The following ADGRL3 variants were observed in gnomAD, a reference collection of about 807,000 sequenced individuals.
ADGRL3 encodes the protein calcium-independent alpha-latrotoxin receptor 3.
In ADGRL3, 62 loss-of-function variants were observed where a neutral mutation model predicts 153.5. The ratio of observed to expected loss-of-function variants is 0.40; its 90% CI spans 0.33 to 0.50. The LOEUF (loss-of-function observed/expected upper bound fraction) is 0.50. ADGRL3 is among the 20% of genes least tolerant of loss of function. The pLI is 0.47. For synonymous variants in ADGRL3, 710 were observed against 672.5 expected, an observed-to-expected ratio of 1.06 and a Z score of -0.86; for missense variants, 1,641 against 1,859.4, an observed-to-expected ratio of 0.88 and a Z score of 2.16.
chr4:61,907,205 G>A (rs1261879932), intron 11 of ADGRL3, among the ~76,000 whole-genome samples: 1 of 151,998 alleles, frequency 6.6e-6, no homozygotes, highest in African/African-American at 2.4e-5. Flanking sequence ...AAAAGTAAGA[G>A]GAGGAATGCA....
chr4:61,615,396 G>A (rs551944391), intron 5 of ADGRL3, among the ~76,000 whole-genome samples: 22 of 152,040 alleles, frequency 1.4e-4, no homozygotes, highest in African/African-American at 4.6e-4. Context: ...AATAAACACC[G>A]GTAAAAGGGT....
chr4:61,413,788 G>A (rs2097114479), intron 2 of ADGRL3, among the ~76,000 whole-genome samples: 1 of 152,020 alleles, frequency 6.6e-6, no homozygotes, highest in Non-Finnish European at 1.5e-5. Flanking sequence ...ACAAACGAAT[G>A]AAACCAGGGA....
At chr4:61,533,526 C>A (rs17226207) in intron 4 of ADGRL3, among the ~76,000 whole-genome samples, 20,049 of 152,092 alleles carry the variant, frequency 0.13, 1,584 homozygotes, top group South Asian at 0.29. Context: ...CCATTACTTA[C>A]CTCAGTAACT....
chr4:61,230,774 G>A (rs1395636483), intron 1 of ADGRL3, among the ~76,000 whole-genome samples: 1 of 152,172 alleles, frequency 6.6e-6, no homozygotes. Flanking sequence ...TTAACCATTT[G>A]ACAATATATG....
intron 21 of ADGRL3, among the ~76,000 whole-genome samples, chr4:62,016,859 C>A (rs927636067): frequency 2.0e-5 from 3 of 151,920 alleles, no homozygotes; most frequent in Admixed American, 6.6e-5. Context: ...TCCATTATAT[C>A]CTTTTATAGG....
intron 4 of ADGRL3, among the ~76,000 whole-genome samples, chr4:61,576,271 T>A (rs1430088095): frequency 6.6e-6 from 1 of 151,968 alleles, no homozygotes; most frequent in Admixed American, 6.6e-5. Flanking sequence ...ACTCAAAAGG[T>A]CTTCACTAGT....
chr4:61,554,136 A>C (rs1050196256), intron 4 of ADGRL3, among the ~76,000 whole-genome samples: 1 of 145,830 alleles, frequency 6.9e-6, no homozygotes, highest in Non-Finnish European at 1.5e-5. Context: ...ATTGGATCCT[A>C]TTTGCTTATA....
chr4:61,464,058 CAATTA>C (rs1395245861), intron 2 of ADGRL3, among the ~76,000 whole-genome samples: 1 of 152,024 alleles, frequency 6.6e-6, no homozygotes, highest in Non-Finnish European at 1.5e-5. Flanking sequence ...CAGCCAAAGG[CAATTA>C]ATAAAAAATG....
At chr4:61,684,830 T>A (rs1333398965) in intron 6 of ADGRL3, among the ~76,000 whole-genome samples, 4 of 152,146 alleles carry the variant, frequency 2.6e-5, no homozygotes, top group Non-Finnish European at 5.9e-5. Flanking sequence ...TTTTAAATAT[T>A]TCCTGGCTTC....
chr4:61,757,406 A>G (rs181379040), intron 8 of ADGRL3, among the ~76,000 whole-genome samples: 13,176 of 152,096 alleles, frequency 0.087, 1,199 homozygotes, highest in African/African-American at 0.23. Context: ...GTTTATTTGC[A>G]TAGAGGTGTT....
At chr4:61,222,462 A>G (rs1399933416) in intron 1 of ADGRL3, among the ~76,000 whole-genome samples, 2 of 152,128 alleles carry the variant, frequency 1.3e-5, no homozygotes, top group Admixed American at 6.5e-5. Context: ...CTTTGGTTCT[A>G]TAGCATTGGG....
intron 6 of ADGRL3, among the ~76,000 whole-genome samples, chr4:61,704,308 A>C (rs2095819549): frequency 6.6e-6 from 1 of 152,212 alleles, no homozygotes; most frequent in African/African-American, 2.4e-5. Flanking sequence ...TCACTGCAAT[A>C]AAACAAATCT....
intron 8 of ADGRL3, among the ~76,000 whole-genome samples, chr4:61,752,194 T>G (rs528673661): frequency 1.6e-4 from 25 of 152,236 alleles, no homozygotes; most frequent in African/African-American, 6.0e-4. Context: ...AAAAACAGAT[T>G]AACAAGAATA....
chr4:61,499,765 G>A (rs535141000), intron 3 of ADGRL3, among the ~76,000 whole-genome samples: 12 of 152,048 alleles, frequency 7.9e-5, no homozygotes, highest in African/African-American at 2.7e-4. Flanking sequence ...CACACAATTC[G>A]TATTCAAAAG....
intron 16 of ADGRL3, among the ~76,000 whole-genome samples, chr4:61,947,328 A>T (rs1240602279): frequency 6.6e-6 from 1 of 152,196 alleles, no homozygotes; most frequent in Non-Finnish European, 1.5e-5. Context: ...TTATGGTGAA[A>T]GCATTCATAG....
In ADGRL3 at chr4:61,909,665, C is replaced by A. The variant is rs947351125; in HGVS notation, c.1993C>A (p.Gln665Lys). 6.2e-7 allele frequency: 1 copy of A among 1,609,104 alleles called. No homozygotes were observed. The highest frequency in any genetic ancestry group is 1.3e-5 in the African/African-American group (1 of 74,736). ...DITYSVRAMD[Q>K]LVGLLDVQLR... ...CACCTACTCTGTCCGGGCCATGGAC[C>A]AGCTGGTAGGCCTCCTAGATGTACA... The change falls in exon 12 of 27, where the codon CAG (glutamine) becomes AAG (lysine). Residue 665 changes from glutamine (Q) to lysine (K), a missense_variant. Coordinates refer to ENST00000683033, the MANE Select transcript of ADGRL3 (RefSeq NM_001387552.1).
Position 62,037,731 on chromosome 4 carries a change from G to A in ADGRL3, c.3592G>A (p.Val1198Ile). 6.2e-7 allele frequency: 1 copy of A among 1,613,592 alleles called. No homozygotes were observed. The highest frequency in any genetic ancestry group is 8.5e-7 in the Non-Finnish European group (1 of 1,179,684). ...FIFHCVLQKKVRKEYGKCLRT... is the reference protein window; with the variant it reads ...FIFHCVLQKKIRKEYGKCLRT... ...CAGAAGTTAATATTTAATTGGCTAG[G>A]TACGAAAAGAGTATGGGAAATGCCT... The change falls in exon 24 of 27, where the codon GTA becomes ATA. Residue 1198 changes from valine to isoleucine, a missense_variant and splice_region_variant. This residue lies in a region of ADGRL3 where 517 missense variants were observed against 555.0 expected (regional missense o/e 0.93). Transcript: ENST00000683033.
intron 1 of ADGRL3, among the ~76,000 whole-genome samples, chr4:61,245,498 T>A (rs1756696977): frequency 6.6e-6 from 1 of 152,070 alleles, no homozygotes; most frequent in South Asian, 2.1e-4. Context: ...TTAGTTTCTT[T>A]CTTTCGTGTA....
intron 1 of ADGRL3, among the ~76,000 whole-genome samples, chr4:61,261,666 A>C (rs1370319089): frequency 6.6e-6 from 1 of 152,178 alleles, no homozygotes; most frequent in Non-Finnish European, 1.5e-5. Flanking sequence ...CATAGTGCTG[A>C]ATAAAAGAGA....
Sources: allele counts gnomAD v4.1 joint callset (sites outside exome capture counted in the v4.1 genomes callset), GRCh38; gene constraint gnomAD v4.1.1; regional missense constraint gnomAD v4.1.1; transcripts MANE v1.5; gene names NCBI Gene and HGNC (gene_info 2026-07-23, HGNC 2026-07-21).